Variants in RCOR1 observed in about 807,000 individuals in gnomAD.
RCOR1 encodes REST corepressor 1.
RCOR1 carries 12 observed loss-of-function variants against 64.0 expected under a neutral mutation model. The observed-to-expected ratio is 0.19, with a 90% CI of 0.12 to 0.30. The LOEUF (loss-of-function observed/expected upper bound fraction) is 0.30, where lower values mean the gene tolerates loss of function less well. Among genes scored for constraint, RCOR1 ranks in the 10% least tolerant of loss-of-function variants. The probability of loss-of-function intolerance (pLI) is 1.00; values close to 1 mark genes in which losing one functional copy is unlikely to be tolerated. For synonymous variants in RCOR1, 279 were observed against 227.2 expected (o/e 1.23, Z -2.05); for missense variants, 502 against 621.2 (o/e 0.81, Z 2.04).
chr14:102,674,973 T>G (rs1895110672), intron 2 of RCOR1, among the ~76,000 whole-genome samples: 1 of 140,304 alleles, frequency 7.1e-6, no homozygotes, highest in Non-Finnish European at 1.5e-5. Flanking sequence ...GAGAATGACA[T>G]GAACCCGGGA....
intron 2 of RCOR1, among the ~76,000 whole-genome samples, chr14:102,665,007 C>CT (rs1008008243): frequency 2.4e-4 from 37 of 151,132 alleles, no homozygotes; most frequent in Admixed American, 5.9e-4. Flanking sequence ...ATATTCAACC[C>CT]TTTTTTTTTG....
intron 2 of RCOR1, chr14:102,655,828 C>T (rs1894711021): frequency 3.4e-6 from 1 of 294,528 alleles, no homozygotes; most frequent in Admixed American, 6.5e-5. Flanking sequence ...TCACAGGCGT[C>T]TGTAATCCCA....
intron 2 of RCOR1, among the ~76,000 whole-genome samples, chr14:102,647,552 C>G (rs902202780): frequency 6.6e-6 from 1 of 152,144 alleles, no homozygotes; most frequent in Non-Finnish European, 1.5e-5. Context: ...AACTCCTGAC[C>G]TCATGATCTG....
At chr14:102,644,473 A>G (rs972804271) in intron 2 of RCOR1, among the ~76,000 whole-genome samples, 2 of 152,258 alleles carry the variant, frequency 1.3e-5, no homozygotes, top group South Asian at 4.1e-4. Flanking sequence ...ACAATCTACC[A>G]CATTTTCTCA....
At chr14:102,600,149 C>T (rs914210446) in intron 2 of RCOR1, among the ~76,000 whole-genome samples, 5 of 151,720 alleles carry the variant, frequency 3.3e-5, no homozygotes, top group Non-Finnish European at 5.9e-5. Context: ...TGCAGTGGCG[C>T]GATCTCAGCT....
intron 2 of RCOR1, among the ~76,000 whole-genome samples, chr14:102,612,135 C>A (rs1251914753): frequency 6.6e-6 from 1 of 151,854 alleles, no homozygotes; most frequent in African/African-American, 2.4e-5. Context: ...GGACAAAGAC[C>A]AAATACATAT....
intron 2 of RCOR1, among the ~76,000 whole-genome samples, chr14:102,621,979 C>T (rs879620479): frequency 3.3e-5 from 5 of 152,168 alleles, no homozygotes; most frequent in South Asian, 2.1e-4. Flanking sequence ...ATTCCTCCCC[C>T]TCTCCCCGCA....
chr14:102,680,148 AATG>A (rs1895275541), intron 2 of RCOR1, among the ~76,000 whole-genome samples: 1 of 152,026 alleles, frequency 6.6e-6, no homozygotes, highest in African/African-American at 2.4e-5. Context: ...ATTTGATGCT[AATG>A]ATCTTTAATT....
At chr14:102,600,354 C>G (rs1382838413) in intron 2 of RCOR1, among the ~76,000 whole-genome samples, 1 of 151,880 alleles carries the variant, frequency 6.6e-6, no homozygotes, top group Non-Finnish European at 1.5e-5. Flanking sequence ...GGATTACAAG[C>G]GTGAGCCACC....
intron 3 of RCOR1, among the ~76,000 whole-genome samples, chr14:102,694,966 C>G (rs1895615062): frequency 6.6e-6 from 1 of 152,158 alleles, no homozygotes; most frequent in African/African-American, 2.4e-5. Flanking sequence ...TAAAAAAGCT[C>G]TAAGAAGGCT....
intron 2 of RCOR1, among the ~76,000 whole-genome samples, chr14:102,616,442 T>A (rs1321075613): frequency 6.6e-6 from 1 of 151,306 alleles, no homozygotes; most frequent in East Asian, 1.9e-4. Context: ...GCTAATTAAA[T>A]TTTTTTTTGG....
chr14:102,592,986 G>T lies in RCOR1; in HGVS notation c.100G>T (p.Ala34Ser), dbSNP rs1317778968. 6.1e-6 allele frequency: 7 copies of T among 1,156,864 alleles called. No individual in the cohort carries two copies. The highest frequency in any genetic ancestry group is 7.4e-6 in the Non-Finnish European group (7 of 940,790). The allele number at this position is 1,156,864 out of a possible 1,614,324, so 71.7% of individuals were successfully genotyped here. A position where few individuals can be genotyped will look rare whatever the true frequency, so the allele number is the denominator to read the frequency against. Residue 34 changes from alanine (A) to serine (S), a missense_variant, in exon 1 of 12, where the codon GCC becomes TCC. By Grantham distance (99) the Ala-to-Ser change is moderately conservative. Transcript: ENST00000262241. ...SASAAAASAA[A>S]SAACASPAAT... ...CTCCGCCGCCGCCGCCTCCGCCGCC[G>T]CCTCGGCCGCCTGCGCCTCGCCAGC...
chr14:102,705,757 C>T (rs1015720271), intron 4 of RCOR1, among the ~76,000 whole-genome samples: 5 of 151,926 alleles, frequency 3.3e-5, no homozygotes, highest in African/African-American at 9.7e-5. Context: ...CAACACCCAG[C>T]CTCAGAAAAT....
chr14:102,671,351 G>A (rs1002326464), intron 2 of RCOR1, among the ~76,000 whole-genome samples: 3 of 152,040 alleles, frequency 2.0e-5, no homozygotes, highest in African/African-American at 7.2e-5. Context: ...TAATGGCTGT[G>A]GAGTAACCTG....
At chr14:102,705,131 C>A (rs578152773) in intron 4 of RCOR1, among the ~76,000 whole-genome samples, 6,527 of 149,072 alleles carry the variant, frequency 0.044, 199 homozygotes, top group African/African-American at 0.078. Flanking sequence ...ACAACAACAA[C>A]AAAAAAAAAG....
At position 102,592,971 on chromosome 14, in the gene RCOR1, GCCGCCT is replaced by G; in HGVS notation, c.91_96del (p.Ser31_Ala32del). The G allele has an allele frequency of 2.6e-6, 3 of 1,153,960 alleles. No homozygotes were observed. The highest frequency in any genetic ancestry group is 3.2e-6 in the Non-Finnish European group (3 of 937,216). The allele number at this position is 1,153,960 out of a possible 1,614,324, so 71.5% of individuals were successfully genotyped here. On this transcript the variant is annotated inframe_deletion, in exon 1 of 12. Coordinates refer to ENST00000262241, the MANE Select transcript of RCOR1 (RefSeq NM_015156.4). ...CGCGGCCGCCTCCGCCTCCGCCGCC[GCCGCCT>G]CCGCCGCCGCCTCGGCCGCCTGCGC...
chr14:102,650,884 A>ACT (rs1894574933), intron 2 of RCOR1: 1 of 511,696 alleles, frequency 2.0e-6, no homozygotes, highest in Non-Finnish European at 2.5e-6. Context: ...TAGAGCACTT[A>ACT]CTCTTAGATG....
intron 2 of RCOR1, among the ~76,000 whole-genome samples, chr14:102,677,097 A>AG (rs1243606067): frequency 9.6e-6 from 1 of 103,976 alleles, no homozygotes; most frequent in East Asian, 3.3e-4. Context: ...ACTTCCCAGT[A>AG]GGGGCGGCCG....
At chr14:102,614,089 T>A (rs1044013458) in intron 2 of RCOR1, among the ~76,000 whole-genome samples, 2 of 151,772 alleles carry the variant, frequency 1.3e-5, no homozygotes, top group Non-Finnish European at 2.9e-5. Flanking sequence ...GAGACGGGGT[T>A]TCTCCATGTT....
Sources: allele counts gnomAD v4.1 joint callset (sites outside exome capture counted in the v4.1 genomes callset), GRCh38; gene constraint gnomAD v4.1.1; transcripts MANE v1.5; gene names NCBI Gene and HGNC (gene_info 2026-07-23, HGNC 2026-07-21).